The following TXNDC9 variants were observed in gnomAD, a reference collection of about 807,000 sequenced individuals.
TXNDC9 encodes thioredoxin domain containing 9.
A neutral mutation model predicts 23.0 loss-of-function variants in TXNDC9; 7 were observed. That is an observed-to-expected ratio of 0.30 (90% CI 0.17 to 0.57). The LOEUF (loss-of-function observed/expected upper bound fraction) is 0.57. TXNDC9 is among the 20% of genes least tolerant of loss of function. The pLI, the probability that TXNDC9 is intolerant of heterozygous loss-of-function variation, is 0.90. For missense variants in TXNDC9, 198 were observed against 252.6 expected (o/e 0.78, Z 1.47); for synonymous variants, 72 against 90.6 (o/e 0.79, Z 1.17).
chr2:99,315,887 C>A (rs116630418), downstream of TXNDC9, among the ~76,000 whole-genome samples: 1 of 152,060 alleles, frequency 6.6e-6, no homozygotes, highest in Non-Finnish European at 1.5e-5. Flanking sequence ...TTTTGATATC[C>A]GAGTGAGTAC....
chr2:99,312,849 T>A, the TXNDC9 span, among the ~76,000 whole-genome samples: 17 of 152,162 alleles, frequency 1.1e-4, no homozygotes, highest in Non-Finnish European at 2.1e-4. Context: ...GAAAAAATAA[T>A]TGTATAATTA....
chr2:99,323,420 A>G (rs1432780618), intron 3 of TXNDC9, among the ~76,000 whole-genome samples: 1 of 151,846 alleles, frequency 6.6e-6, no homozygotes, highest in Non-Finnish European at 1.5e-5. Context: ...AAACAAAAAA[A>G]GTGACATCTT....
chr2:99,335,015 A>G (rs1365743538), intron 1 of TXNDC9, among the ~76,000 whole-genome samples: 1 of 152,206 alleles, frequency 6.6e-6, no homozygotes, highest in Non-Finnish European at 1.5e-5. Flanking sequence ...GCGCCCGGCC[A>G]AAATTTTACT....
downstream of TXNDC9, among the ~76,000 whole-genome samples, chr2:99,316,177 A>C (rs1377547267): frequency 6.6e-6 from 1 of 151,938 alleles, no homozygotes; most frequent in African/African-American, 2.4e-5. Flanking sequence ...ACAAAAACAA[A>C]AACAAAAAAC....
Position 99,322,198 on chromosome 2 carries a change from A to G in TXNDC9, c.320T>C (p.Leu107Pro). The G allele has an allele frequency of 1.9e-6, 3 of 1,613,942 alleles. No homozygotes were observed. The highest frequency in any genetic ancestry group is 2.5e-6 in the Non-Finnish European group (3 of 1,179,848). ...YRDSTFRCKI[L>P]DRHLAILSKK... ...GGACAATATTGCCAGATGTCTGTCT[A>G]GTATTTTACACCTGTAAGTGACCAC... Residue 107 changes from leucine (L) to proline (P), a missense_variant, in exon 4 of 5, where the codon CTA becomes CCA. Transcript: ENST00000264255.
rs150067204 is a variant in TXNDC9, at chr2:99,328,114, G to T, written c.190-461C>A. Among the ~76,000 whole-genome samples the T allele has an allele frequency of 6.5e-3, 985 of 151,304 alleles. 6 individuals are homozygous for T. Among genetic ancestry groups the T allele is most frequent in the Admixed American group, 9.8e-3 (149 of 15,232 alleles). ...TGTTATTTATTTATTTTTTTTTTGA[G>T]AATGGGTCTTGCTAAAGTTGCCCAG... On this transcript the variant is annotated intron_variant, in intron 2 of 4. Transcript: ENST00000264255.
In TXNDC9 at chr2:99,333,248, GAGA is replaced by G. The variant is rs767377331; in HGVS notation, c.-32-9_-32-7del. On this transcript the variant is annotated splice_region_variant and splice_polypyrimidine_tract_variant and intron_variant, in intron 1 of 4. Coordinates refer to ENST00000264255, the MANE Select transcript of TXNDC9 (RefSeq NM_005783.4). ...TACAGAGTTCAGCCTGGGTGCTGGG[GAGA>G]AGATTTACAAAATACATTTTAAAAA... is the stretch of plus-strand genomic sequence containing the variant. 12 of 1,565,670 alleles carry G rather than the reference GAGA, an allele frequency of 7.7e-6. No homozygotes were observed. The highest frequency in any genetic ancestry group is 2.3e-5 in the East Asian group (1 of 44,312).
intron 1 of TXNDC9, among the ~76,000 whole-genome samples, chr2:99,335,809 A>G (rs2105328510): frequency 6.6e-6 from 1 of 151,978 alleles, no homozygotes; most frequent in African/African-American, 2.4e-5. Context: ...AGCATTGAGA[A>G]TGGGGTAAAG....
Position 99,333,055 on chromosome 2 carries a change from G to C in TXNDC9, c.156C>G (p.Leu52=). 1.2e-6 allele frequency: 2 copies of C among 1,614,094 alleles called. No homozygotes were observed. The highest frequency in any genetic ancestry group is 1.7e-6 in the Non-Finnish European group (2 of 1,180,024). Residue 52 remains leucine (L), a synonymous_variant, in exon 2 of 5, where the codon CTC becomes CTG. Transcript: ENST00000264255. ...GCTGTTGAGCTTTCCTTAGTGCCTG[G>C]AGTCTCTTTTCTTTAAGGCGTTCCA... ...DELERLKEKR[L]QALRKAQQQK...
chr2:99,335,930 C>T (rs1057001309), intron 1 of TXNDC9, among the ~76,000 whole-genome samples: 1 of 152,234 alleles, frequency 6.6e-6, no homozygotes, highest in African/African-American at 2.4e-5. Context: ...TCCTCAAATT[C>T]CCTAGTCATT....
intron 2 of TXNDC9, among the ~76,000 whole-genome samples, chr2:99,328,896 G>GT (rs1488093426): frequency 3.9e-5 from 6 of 151,992 alleles, no homozygotes; most frequent in African/African-American, 1.4e-4. Flanking sequence ...GGCTGAGGCA[G>GT]GAGAATTGCT....
chr2:99,322,529 CTG>C, intron 3 of TXNDC9: 1 of 1,477,672 alleles, frequency 6.8e-7, no homozygotes, highest in South Asian at 1.4e-5. Flanking sequence ...GAGGAACAAA[CTG>C]AAACTTGACA....
At chr2:99,309,459 A>G in the TXNDC9 span, among the ~76,000 whole-genome samples, 2 of 152,134 alleles carry the variant, frequency 1.3e-5, no homozygotes, top group Non-Finnish European at 2.9e-5. Context: ...TGATTCCACA[A>G]TTTTGGGCCA....
At chr2:99,308,413 T>C in the TXNDC9 span, among the ~76,000 whole-genome samples, 1 of 152,256 alleles carries the variant, frequency 6.6e-6, no homozygotes, top group Non-Finnish European at 1.5e-5. Flanking sequence ...CCCTATATTT[T>C]TGCTCTAAAA....
intron 3 of TXNDC9, among the ~76,000 whole-genome samples, chr2:99,326,621 C>T (rs1277787597): frequency 6.6e-6 from 1 of 152,214 alleles, no homozygotes; most frequent in Admixed American, 6.5e-5. Flanking sequence ...CTTTGGTTTA[C>T]GATGTGACCT....
In TXNDC9 at chr2:99,334,887, T is replaced by G. The variant is rs1436475594; in HGVS notation, c.-33+1352A>C. On this transcript the variant is annotated intron_variant, in intron 1 of 4. Coordinates refer to ENST00000264255, the MANE Select transcript of TXNDC9 (RefSeq NM_005783.4). ...CCACCACGCCCGGCTAATTTCTTTTTGTATTTTTAGTACAGACGGGGTTTC... is the reference window on the plus strand; with the variant it reads ...CCACCACGCCCGGCTAATTTCTTTTGGTATTTTTAGTACAGACGGGGTTTC... 2.6e-5 allele frequency among the ~76,000 whole-genome samples: 4 copies of G among 152,192 alleles called. No individual in the cohort carries two copies. The East Asian group carries it at 5.8e-4, about 22-fold the overall frequency.
intron 2 of TXNDC9, among the ~76,000 whole-genome samples, chr2:99,331,167 A>G (rs899223870): frequency 6.6e-6 from 1 of 152,250 alleles, no homozygotes; most frequent in Non-Finnish European, 1.5e-5. Flanking sequence ...ATTAGCAATT[A>G]GTACTTAAAT....
intron 2 of TXNDC9, among the ~76,000 whole-genome samples, chr2:99,331,385 AC>A: frequency 6.6e-6 from 1 of 151,436 alleles, no homozygotes; most frequent in South Asian, 2.1e-4. Flanking sequence ...GACCAGCCTG[AC>A]CAACATGATG....
At chr2:99,331,627 A>T (rs2094225792) in intron 2 of TXNDC9, among the ~76,000 whole-genome samples, 1 of 152,214 alleles carries the variant, frequency 6.6e-6, no homozygotes, top group Admixed American at 6.5e-5. Flanking sequence ...AAATATAAAA[A>T]TTTGGACTCA....
Sources: allele counts gnomAD v4.1 joint callset (sites outside exome capture counted in the v4.1 genomes callset), GRCh38; gene constraint gnomAD v4.1.1; transcripts MANE v1.5; gene names NCBI Gene and HGNC (gene_info 2026-07-23, HGNC 2026-07-21).